Variants in PPFIA2 observed in about 807,000 individuals in gnomAD.
PPFIA2 encodes the protein liprin-alpha-2.
In PPFIA2, 46 loss-of-function variants were observed where a neutral mutation model predicts 175.5. The ratio of observed to expected loss-of-function variants is 0.26; its 90% CI spans 0.21 to 0.34. The LOEUF is 0.34. Among genes scored for constraint, PPFIA2 ranks in the 10% least tolerant of loss-of-function variants. The probability of loss-of-function intolerance (pLI) is 1.00; values close to 1 mark genes in which losing one functional copy is unlikely to be tolerated. For missense variants in PPFIA2, 1,179 were observed against 1,506.1 expected, an observed-to-expected ratio of 0.78 and a Z score of 3.60; for synonymous variants, 568 against 511.4, an observed-to-expected ratio of 1.11 and a Z score of -1.49.
intron 4 of PPFIA2, among the ~76,000 whole-genome samples, chr12:81,554,058 A>G (rs1301711232): frequency 1.3e-5 from 2 of 152,072 alleles, no homozygotes; most frequent in South Asian, 2.1e-4. Flanking sequence ...GATCCAATTT[A>G]TACTAAATAT....
In PPFIA2 at chr12:81,413,422, A is replaced by G. The variant is rs774470948; in HGVS notation, c.646-7519T>C. ...ATTATAGGCTTCAAGGTTAAAAAGG[A>G]TTCTGGGTAGAGCTCACTGGGGAAA... On this transcript the variant is annotated intron_variant, in intron 7 of 32. Coordinates refer to ENST00000549396, the MANE Select transcript of PPFIA2 (RefSeq NM_003625.5). Among the ~76,000 whole-genome samples the G allele has an allele frequency of 7.1e-4, 108 of 151,904 alleles. 2 individuals carry two copies. The highest frequency in any genetic ancestry group is 5.6e-4 in the Non-Finnish European group (38 of 67,782).
intron 5 of PPFIA2, 23 bp from the exon 6 acceptor site, chr12:81,445,743 C>T: frequency 6.2e-7 from 1 of 1,602,960 alleles, no homozygotes; most frequent in South Asian, 1.1e-5. Context: ...ACAGAAAATG[C>T]AATTATCTTA....
At chr12:81,631,673 C>T (rs2063401857) in intron 4 of PPFIA2, among the ~76,000 whole-genome samples, 2 of 152,288 alleles carry the variant, frequency 1.3e-5, no homozygotes, top group Admixed American at 6.5e-5. Flanking sequence ...AACTAAGTTG[C>T]AACATAATTT....
intron 4 of PPFIA2, among the ~76,000 whole-genome samples, chr12:81,488,141 CT>C (rs749469992): frequency 3.3e-4 from 50 of 151,850 alleles, no homozygotes; most frequent in Middle Eastern, 3.4e-3. Context: ...TTGTCTGTTC[CT>C]GTTATTTTAT....
intron 4 of PPFIA2, among the ~76,000 whole-genome samples, chr12:81,537,231 T>A (rs1038341941): frequency 6.6e-6 from 1 of 151,782 alleles, no homozygotes; most frequent in Non-Finnish European, 1.5e-5. Flanking sequence ...AAAATTCTGC[T>A]GGGACAATTA....
chr12:81,482,859 T>C (rs1340526636), intron 4 of PPFIA2, among the ~76,000 whole-genome samples: 1 of 151,780 alleles, frequency 6.6e-6, no homozygotes, highest in African/African-American at 2.4e-5. Context: ...CTGCAGGTTC[T>C]GCACATGTAT....
At chr12:81,550,790 G>A (rs2067788280) in intron 4 of PPFIA2, among the ~76,000 whole-genome samples, 1 of 151,798 alleles carries the variant, frequency 6.6e-6, no homozygotes, top group Admixed American at 6.6e-5. Context: ...TCATTTAAGG[G>A]GGAAGACCAG....
At chr12:81,750,603 A>G (rs1041749827) in intron 3 of PPFIA2, among the ~76,000 whole-genome samples, 25 of 152,166 alleles carry the variant, frequency 1.6e-4, no homozygotes, top group Admixed American at 5.9e-4. Context: ...AAGAAACTTC[A>G]GGCCTGGAGG....
intron 3 of PPFIA2, among the ~76,000 whole-genome samples, chr12:81,750,584 G>A (rs1256930421): frequency 3.3e-5 from 5 of 151,960 alleles, no homozygotes; most frequent in Admixed American, 3.3e-4. Context: ...GATAATTGAG[G>A]GCATAGCTAA....
chr12:81,300,586 A>G (rs2047570883), intron 22 of PPFIA2, among the ~76,000 whole-genome samples: 1 of 152,188 alleles, frequency 6.6e-6, no homozygotes, highest in Non-Finnish European at 1.5e-5. Context: ...AGAGACATAA[A>G]TCAACTGCTG....
chr12:81,522,489 T>A (rs1377748392), intron 4 of PPFIA2, among the ~76,000 whole-genome samples: 1 of 152,168 alleles, frequency 6.6e-6, no homozygotes, highest in Non-Finnish European at 1.5e-5. Context: ...TTTGAATCAA[T>A]CAGCACTACA....
At chr12:81,276,121 T>G (rs1565862800) in intron 28 of PPFIA2, among the ~76,000 whole-genome samples, 1 of 152,034 alleles carries the variant, frequency 6.6e-6, no homozygotes, top group Non-Finnish European at 1.5e-5. Context: ...ATTGATTATT[T>G]TTAGCAAAAA....
intron 4 of PPFIA2, among the ~76,000 whole-genome samples, chr12:81,506,595 TTTTG>T (rs1301678780): frequency 6.6e-6 from 1 of 152,190 alleles, no homozygotes; most frequent in African/African-American, 2.4e-5. Flanking sequence ...TCCTACACTG[TTTTG>T]TTTATCTTTT....
chr12:81,544,495 T>C (rs2066692634), intron 4 of PPFIA2, among the ~76,000 whole-genome samples: 1 of 152,166 alleles, frequency 6.6e-6, no homozygotes, highest in South Asian at 2.1e-4. Context: ...ACTTCCGGCA[T>C]AGCTTTTGAA....
intron 4 of PPFIA2, among the ~76,000 whole-genome samples, chr12:81,518,690 C>T (rs1567164142): frequency 6.6e-6 from 1 of 152,264 alleles, no homozygotes; most frequent in Admixed American, 6.5e-5. Context: ...CCTGCCTTAT[C>T]ATTTTTTATA....
At chr12:81,600,003 T>G (rs914097095) in intron 4 of PPFIA2, among the ~76,000 whole-genome samples, 2 of 151,964 alleles carry the variant, frequency 1.3e-5, no homozygotes, top group Non-Finnish European at 2.9e-5. Flanking sequence ...GATGTCAACC[T>G]TTGTCATTTG....
At chr12:81,701,558 C>T (rs1217672204) in intron 3 of PPFIA2, among the ~76,000 whole-genome samples, 1 of 151,992 alleles carries the variant, frequency 6.6e-6, no homozygotes, top group African/African-American at 2.4e-5. Context: ...TTTCTAAATG[C>T]ATTATCTTAA....
intron 3 of PPFIA2, among the ~76,000 whole-genome samples, chr12:81,710,863 C>T (rs1356614539): frequency 1.3e-5 from 2 of 151,448 alleles, no homozygotes; most frequent in East Asian, 4.0e-4. Context: ...TTCAGAATTG[C>T]ACATTAGCTA....
rs1555549360 is a variant in PPFIA2, at chr12:81,642,704, A to ATATTATATACATACACG, written c.303+34086_303+34087insCGTGTATGTATATAATA. On this transcript the variant is annotated intron_variant, in intron 4 of 32. Coordinates refer to ENST00000549396, the MANE Select transcript of PPFIA2 (RefSeq NM_003625.5). The stretch of plus-strand genomic sequence containing the variant: ...GTATCTATTATATACATACATGTAT[A>ATATTATATACATACACG]TGTATGTATGTATTATATACATACA... Among the ~76,000 whole-genome samples the ATATTATATACATACACG allele has an allele frequency of 5.0e-3, 47 of 9,460 alleles. 14 individuals carry two copies. Among genetic ancestry groups the ATATTATATACATACACG allele is most frequent in the African/African-American group, 0.01 (36 of 3,572 alleles). The allele number at this position is 9,460 out of a possible 152,430, so 6.2% of individuals were successfully genotyped here.
Sources: gnomAD v4.1 joint callset for allele counts (sites outside exome capture counted in the v4.1 genomes callset) on GRCh38, gnomAD v4.1.1 for gene constraint, MANE v1.5 for transcripts, NCBI Gene and HGNC (gene_info 2026-07-23, HGNC 2026-07-21) for gene names.